KIF6: variants seen among roughly 807,000 people sequenced by gnomAD.
KIF6 encodes the protein kinesin-like protein KIF6.
KIF6 carries 106 observed loss-of-function variants against 112.7 expected under a neutral mutation model. The observed-to-expected ratio is 0.94, with a 90% CI of 0.80 to 1.11. KIF6 has a LOEUF of 1.11. KIF6 is among the 50% of genes least tolerant of loss of function. KIF6 has a pLI of 0.00. For missense variants in KIF6, 929 were observed against 964.0 expected (o/e 0.96, Z 0.48); for synonymous variants, 339 against 339.9 (o/e 1.00, Z 0.03).
At chr6:39,505,378 A>G (rs969115962) in intron 13 of KIF6, among the ~76,000 whole-genome samples, 6 of 152,132 alleles carry the variant, frequency 3.9e-5, no homozygotes, top group African/African-American at 1.4e-4. Context: ...TAAATGTAAA[A>G]CCCCAGAACT....
At chr6:39,541,106 C>G (rs1778760045) in intron 12 of KIF6, among the ~76,000 whole-genome samples, 1 of 152,180 alleles carries the variant, frequency 6.6e-6, no homozygotes, top group Admixed American at 6.5e-5. Flanking sequence ...AAATGGGAGT[C>G]TAAATGTGGT....
At chr6:39,685,189 T>G (rs746114614) in intron 3 of KIF6, among the ~76,000 whole-genome samples, 7 of 151,850 alleles carry the variant, frequency 4.6e-5, no homozygotes, top group Non-Finnish European at 4.4e-5. Context: ...TCTCATAGAG[T>G]TGGAAAAATC....
chr6:39,503,159 A>G (rs1776230169), intron 13 of KIF6, among the ~76,000 whole-genome samples: 1 of 152,212 alleles, frequency 6.6e-6, no homozygotes, highest in Admixed American at 6.5e-5. Flanking sequence ...CCACAGCACA[A>G]TCAAATTAGA....
intron 3 of KIF6, among the ~76,000 whole-genome samples, chr6:39,706,166 C>T (rs2113852608): frequency 6.6e-6 from 1 of 152,290 alleles, no homozygotes; most frequent in South Asian, 2.1e-4. Flanking sequence ...CTTCATGCAA[C>T]TCTTATGCTT....
At chr6:39,443,140 AT>A (rs1772043311) in intron 13 of KIF6, among the ~76,000 whole-genome samples, 2 of 141,400 alleles carry the variant, frequency 1.4e-5, no homozygotes, top group Non-Finnish European at 3.0e-5. Flanking sequence ...AATAATAATA[AT>A]AATAATAATA....
chr6:39,497,248 G>C (rs1418892927), intron 13 of KIF6, among the ~76,000 whole-genome samples: 1 of 152,224 alleles, frequency 6.6e-6, no homozygotes, highest in East Asian at 1.9e-4. Context: ...CTGAATTAGA[G>C]TTACACTGCT....
chr6:39,667,728 G>C (rs1417170352), intron 3 of KIF6, among the ~76,000 whole-genome samples: 1 of 152,180 alleles, frequency 6.6e-6, no homozygotes, highest in Non-Finnish European at 1.5e-5. Flanking sequence ...TAATTACTGA[G>C]ATTTTAGATG....
At chr6:39,640,177 G>C (rs1000994983) in intron 3 of KIF6, among the ~76,000 whole-genome samples, 9 of 152,050 alleles carry the variant, frequency 5.9e-5, no homozygotes, top group Non-Finnish European at 1.3e-4. Context: ...CACTCTGCTT[G>C]CCACCATATA....
At chr6:39,512,958 C>T (rs1776862691) in intron 13 of KIF6, among the ~76,000 whole-genome samples, 1 of 152,128 alleles carries the variant, frequency 6.6e-6, no homozygotes, top group Admixed American at 6.5e-5. Flanking sequence ...ATTAGCTCCT[C>T]AATAACCCAA....
chr6:39,662,890 C>A (rs534223521), intron 3 of KIF6, among the ~76,000 whole-genome samples: 52 of 151,390 alleles, frequency 3.4e-4, no homozygotes, highest in African/African-American at 1.1e-3. Flanking sequence ...ATCTTTTTTT[C>A]TTTTCTTCTT....
At chr6:39,340,016 G>T (rs2113886907) in intron 22 of KIF6, among the ~76,000 whole-genome samples, 1 of 152,314 alleles carries the variant, frequency 6.6e-6, no homozygotes, top group East Asian at 1.9e-4. Context: ...CTGAGAAGGT[G>T]CCTGGGCCCC....
chr6:39,522,037 C>T (rs1777429150), intron 13 of KIF6, among the ~76,000 whole-genome samples: 1 of 152,048 alleles, frequency 6.6e-6, no homozygotes, highest in South Asian at 2.1e-4. Context: ...CTGGAACCCT[C>T]ATTCCATTGC....
rs191570887 is a variant in KIF6, at chr6:39,430,442, A to G, written c.1754+611T>C. On this transcript the variant is annotated intron_variant, in intron 14 of 22. Coordinates refer to ENST00000287152, the MANE Select transcript of KIF6 (RefSeq NM_145027.6). The stretch of plus-strand genomic sequence containing the variant: ...TGAGCTCTAGACCCCTACATCTGAT[A>G]GAGTTTGTTTGCTACAGTTTGAGGA... Among the ~76,000 whole-genome samples, 50 of 152,288 alleles carry G rather than the reference A, an allele frequency of 3.3e-4. 1 individual carries two copies. The highest frequency in any genetic ancestry group is 2.8e-3 in the Admixed American group (43 of 15,298).
intron 20 of KIF6, among the ~76,000 whole-genome samples, chr6:39,346,136 T>TCTCTCTCC (rs1562113467): frequency 6.3e-5 from 6 of 94,576 alleles, no homozygotes; most frequent in African/African-American, 1.5e-4. Context: ...CCTCTCCCTC[T>TCTCTCTCC]CTCTCTCTCT....
chr6:39,598,526 A>G (rs1782405080), intron 6 of KIF6, among the ~76,000 whole-genome samples: 1 of 152,064 alleles, frequency 6.6e-6, no homozygotes, highest in Admixed American at 6.6e-5. Context: ...GCCATCAATA[A>G]ACTACTAGAT....
chr6:39,637,211 G>A (rs879622155), intron 4 of KIF6, among the ~76,000 whole-genome samples: 21 of 152,082 alleles, frequency 1.4e-4, no homozygotes, highest in African/African-American at 3.9e-4. Flanking sequence ...ATCATAAAAC[G>A]TCAGGAAAAC....
intron 13 of KIF6, among the ~76,000 whole-genome samples, chr6:39,452,426 T>C (rs1025516248): frequency 2.6e-5 from 4 of 152,220 alleles, no homozygotes; most frequent in East Asian, 3.8e-4. Flanking sequence ...TTTCACTTCA[T>C]TGGGTTCACT....
chr6:39,568,297 G>C (rs1251590560), intron 10 of KIF6, among the ~76,000 whole-genome samples: 2 of 152,164 alleles, frequency 1.3e-5, no homozygotes, highest in Non-Finnish European at 2.9e-5. Flanking sequence ...TCTGATCTGA[G>C]ACATTTGATC....
chr6:39,584,147 C>T (rs917103921), intron 9 of KIF6, among the ~76,000 whole-genome samples: 3 of 151,762 alleles, frequency 2.0e-5, no homozygotes, highest in East Asian at 1.9e-4. Flanking sequence ...ATTGGCCCGG[C>T]GCGGTGGCTC....
Sources: gnomAD v4.1 joint callset for allele counts (sites outside exome capture counted in the v4.1 genomes callset) on GRCh38, gnomAD v4.1.1 for gene constraint, MANE v1.5 for transcripts, NCBI Gene and HGNC (gene_info 2026-07-23, HGNC 2026-07-21) for gene names.